Variants in CUBN observed in about 807,000 individuals in gnomAD.
CUBN encodes cubilin, also known as 460 kDa receptor.
Under a neutral mutation model 405.3 loss-of-function variants are expected in CUBN, and 282 were observed. The ratio of observed to expected loss-of-function variants is 0.70; its 90% confidence interval spans 0.63 to 0.77. The LOEUF is 0.77. CUBN is among the 30% of genes least tolerant of loss of function. CUBN has a pLI of 0.00. For missense variants in CUBN, 4,514 were observed against 4,475.2 expected, an observed-to-expected ratio of 1.01 and a Z score of -0.25; for synonymous variants, 1,684 against 1,617.0, an observed-to-expected ratio of 1.04 and a Z score of -0.99.
In CUBN at chr10:16,868,051, A is replaced by G. The variant is rs147065131; in HGVS notation, c.9454+1585T>C. On this transcript the variant is annotated intron_variant, in intron 59 of 66. Coordinates refer to ENST00000377833, the MANE Select transcript of CUBN (RefSeq NM_001081.4). Reference sequence around the variant, plus strand: ...GAATATATCCCTTTTTTGTGCAAAAAAAAATCTCCAAAGGAAAATTAATTT... The same window carrying G: ...GAATATATCCCTTTTTTGTGCAAAAGAAAATCTCCAAAGGAAAATTAATTT... Among the ~76,000 whole-genome samples the G allele has an allele frequency of 4.7e-3, 715 of 152,296 alleles. 3 individuals carry two copies. The highest frequency in any genetic ancestry group is 0.016 in the African/African-American group (650 of 41,566).
chr10:17,114,025 A>G lies in CUBN; in HGVS notation c.883+2T>C. On this transcript the variant is annotated splice_donor_variant, in intron 8 of 66. Coordinates refer to ENST00000377833, the MANE Select transcript of CUBN (RefSeq NM_001081.4). LOFTEE classifies it high-confidence loss of function. The stretch of plus-strand genomic sequence containing the variant: ...GCCTGGCTTGTGGCCCTGAGAATGT[A>G]CCTGTTGGACAGGCCCCACAGTAGA... 1 of 1,612,086 alleles carries G rather than the reference A, an allele frequency of 6.2e-7. No homozygotes were observed. Among genetic ancestry groups the G allele is most frequent in the South Asian group, 1.1e-5 (1 of 90,468 alleles).
At chr10:16,903,056 C>G (rs1396349778) in intron 51 of CUBN, among the ~76,000 whole-genome samples, 1 of 152,156 alleles carries the variant, frequency 6.6e-6, no homozygotes, top group Non-Finnish European at 1.5e-5. Flanking sequence ...AAAACACTAG[C>G]AAATAATACC....
intron 27 of CUBN, among the ~76,000 whole-genome samples, chr10:17,037,831 C>T (rs994016066): frequency 6.6e-6 from 1 of 152,194 alleles, no homozygotes; most frequent in African/African-American, 2.4e-5. Context: ...CTGGTTCCTG[C>T]TCTCGCCCCA....
Position 16,958,452 on chromosome 10 carries a change from G to C in CUBN, c.4696-3904C>G, listed in dbSNP as rs1018300684. ...GAGGCATGAGATTTGCTTCAACCCA[G>C]GAGGCAGAGGTTGCAGTGAGCTGCG... On this transcript the variant is annotated intron_variant, in intron 31 of 66. Transcript: ENST00000377833. Among the ~76,000 whole-genome samples, 4 of 152,272 alleles carry C rather than the reference G, an allele frequency of 2.6e-5. No individual in the cohort carries two copies. In the South Asian group the frequency reaches 6.2e-4, roughly 24 times the overall value.
intron 28 of CUBN, among the ~76,000 whole-genome samples, chr10:17,001,545 G>A (rs7089878): frequency 0.34 from 52,269 of 152,108 alleles, 10,577 homozygotes; most frequent in African/African-American, 0.57. Flanking sequence ...AAAGTTCTCC[G>A]AGTCCCCACT....
intron 28 of CUBN, among the ~76,000 whole-genome samples, chr10:16,995,047 C>G (rs920781612): frequency 6.6e-6 from 1 of 152,164 alleles, no homozygotes; most frequent in Non-Finnish European, 1.5e-5. Context: ...GCCGAGATCA[C>G]AGCACTGCTC....
At chr10:16,845,037 A>T (rs796688501) in intron 60 of CUBN, among the ~76,000 whole-genome samples, 4 of 152,318 alleles carry the variant, frequency 2.6e-5, no homozygotes, top group African/African-American at 9.6e-5. Context: ...ACTTTTAGAA[A>T]TCTGATCATT....
intron 17 of CUBN, among the ~76,000 whole-genome samples, chr10:17,081,533 A>C (rs1161971344): frequency 6.6e-6 from 1 of 152,204 alleles, no homozygotes; most frequent in Non-Finnish European, 1.5e-5. Flanking sequence ...GCTTTAAAAA[A>C]TGAAGACATC....
intron 17 of CUBN, among the ~76,000 whole-genome samples, chr10:17,083,267 A>G (rs1836012133): frequency 6.6e-6 from 1 of 152,182 alleles, no homozygotes; most frequent in Non-Finnish European, 1.5e-5. Flanking sequence ...GCACTTTGGG[A>G]GGCTGAGGCC....
intron 59 of CUBN, among the ~76,000 whole-genome samples, chr10:16,864,948 C>CCTACCTGAACATA (rs1840130356): frequency 8.0e-5 from 4 of 50,046 alleles, no homozygotes; most frequent in African/African-American, 1.1e-4. Context: ...CCATGCCCAG[C>CCTACCTGAACATA]TTTTTTTTTT....
chr10:16,892,273 C>A (rs915944385), intron 54 of CUBN, among the ~76,000 whole-genome samples: 1 of 151,954 alleles, frequency 6.6e-6, no homozygotes. Flanking sequence ...AGGTGCCTGG[C>A]GCTGGACCTA....
At position 17,085,599 on chromosome 10, in the gene CUBN, G is replaced by A; in HGVS notation, c.2108C>T (p.Pro703Leu). 1.4e-5 allele frequency: 23 copies of A among 1,613,832 alleles called. No individual in the cohort carries two copies. Among genetic ancestry groups the A allele is most frequent in the Non-Finnish European group, 1.9e-5 (23 of 1,179,742 alleles). The change falls in exon 16 of 67, where the codon CCT becomes CTT. Residue 703 changes from proline to leucine, a missense_variant and splice_region_variant. This residue lies in a region of CUBN where 1,448 missense variants were observed against 1,388.0 expected (regional missense o/e 1.04). Transcript: ENST00000377833. ...QGFHITYLTS[P>L]SDLRCGGNYT... Reference sequence around the variant, plus strand: ...CCCCCAACTGGTAGGTTACTTACAAGGTGATGTTAAGTAGGTGATATGGAA... The same window carrying A: ...CCCCCAACTGGTAGGTTACTTACAAAGTGATGTTAAGTAGGTGATATGGAA...
intron 36 of CUBN, among the ~76,000 whole-genome samples, chr10:16,942,839 G>GGGGGAA (rs200774792): frequency 2.9e-5 from 4 of 137,884 alleles, no homozygotes; most frequent in East Asian, 4.4e-4. Flanking sequence ...AGGAAGGGAA[G>GGGGGAA]GGGGAAGGGG....
Position 17,127,964 on chromosome 10 carries a change from G to C in CUBN, c.253-40C>G, listed in dbSNP as rs1327476275. 4.6e-6 allele frequency: 6 copies of C among 1,303,280 alleles called. No homozygotes were observed. In the South Asian group the frequency reaches 7.2e-5, roughly 16 times the overall value. 80.7% of individuals were successfully genotyped at this position (1,303,280 alleles called of 1,614,324 possible). On this transcript the variant is annotated intron_variant, in intron 2 of 66. Coordinates refer to ENST00000377833, the MANE Select transcript of CUBN (RefSeq NM_001081.4). ...AGAAGAAGAAATGAAGAGCACTAGT[G>C]AAAATATCATATTTATCTTTACAGT...
At chr10:16,958,049 C>T (rs1843120552) in intron 31 of CUBN, among the ~76,000 whole-genome samples, 1 of 152,128 alleles carries the variant, frequency 6.6e-6, no homozygotes, top group African/African-American at 2.4e-5. Context: ...TGTTTTCAGT[C>T]TGAGTGGTTG....
chr10:17,114,174 C>T lies in CUBN; in HGVS notation c.736G>A (p.Val246Ile), dbSNP rs760990753. Residue 246 changes from valine to isoleucine, a missense_variant, in exon 8 of 67, where the codon GTC becomes ATC. Val to Ile is a conservative substitution (Grantham distance 29, BLOSUM62 3). Around this residue, in one of 5 missense-constraint regions of CUBN, gnomAD observed 1,448 missense variants for 1,388.0 expected, o/e 1.04. Transcript: ENST00000377833. ...GAAAACATCCACCCAGCATCACAGA[C>T]GCAGCTGTACTTGGGCTGGCAGGAT... is the stretch of plus-strand genomic sequence containing the variant. ...EQAGEPKYSCVCDAGWMFSPN... is the reference protein window; with the variant it reads ...EQAGEPKYSCICDAGWMFSPN... 86 of 1,613,714 alleles carry T rather than the reference C, an allele frequency of 5.3e-5. No homozygotes were observed. The East Asian group carries it at 1.2e-3, about 23-fold the overall frequency.
rs1212585607 is a variant in CUBN at position 16,937,744 on chromosome 10, G to A, written c.5774C>T (p.Ala1925Val). The change falls in exon 39 of 67, where the codon GCT becomes GTT. Residue 1925 changes from alanine (A) to valine (V), a missense_variant. Coordinates refer to ENST00000377833, the MANE Select transcript of CUBN (RefSeq NM_001081.4). ...GPSIHARLIGAYCGTQTESFS... is the reference protein window; with the variant it reads ...GPSIHARLIGVYCGTQTESFS... ...AGATTCAGTCTGGGTACCACAGTAA[G>A]CTCCAATTAGGCGGGCGTGAATGCT... The A allele has an allele frequency of 2.5e-6, 4 of 1,614,058 alleles. No homozygotes were observed. Among genetic ancestry groups the A allele is most frequent in the Admixed American group, 3.3e-5 (2 of 60,006 alleles).
At chr10:16,971,582 C>A (rs1243477726) in intron 31 of CUBN, among the ~76,000 whole-genome samples, 1 of 152,266 alleles carries the variant, frequency 6.6e-6, no homozygotes, top group African/African-American at 2.4e-5. Context: ...AGTTTGTATA[C>A]AATTTATGCA....
intron 60 of CUBN, among the ~76,000 whole-genome samples, chr10:16,841,910 CAAA>C (rs11354893): frequency 9.6e-5 from 9 of 93,734 alleles, no homozygotes; most frequent in South Asian, 4.1e-4. Flanking sequence ...AAGACTGTCT[CAAA>C]AAAAAAAAAA....
Sources: allele counts gnomAD v4.1 joint callset (sites outside exome capture counted in the v4.1 genomes callset), GRCh38; gene constraint gnomAD v4.1.1; regional missense constraint gnomAD v4.1.1; transcripts MANE v1.5; gene names NCBI Gene and HGNC (gene_info 2026-07-23, HGNC 2026-07-21).